The following ARHGEF17 variants were observed in gnomAD, a reference collection of about 807,000 sequenced individuals.
ARHGEF17 encodes the protein Rho guanine nucleotide exchange factor 17.
A neutral mutation model predicts 174.0 loss-of-function variants in ARHGEF17; 80 were observed. That is an observed-to-expected ratio of 0.46 (90% CI 0.38 to 0.55). ARHGEF17 has a LOEUF of 0.55. ARHGEF17 is among the 20% of genes least tolerant of loss of function. ARHGEF17 has a pLI of 0.00. For synonymous variants in ARHGEF17, 1,311 were observed against 1,189.1 expected (o/e 1.10, Z -2.11); for missense variants, 2,886 against 2,839.7 (o/e 1.02, Z -0.37).
intron 1 of ARHGEF17, among the ~76,000 whole-genome samples, chr11:73,312,993 G>A (rs558531394): frequency 1.7e-4 from 26 of 152,172 alleles, no homozygotes; most frequent in Non-Finnish European, 3.1e-4. Context: ...TGAGCTCAGC[G>A]ATGGCCAGTG....
intron 1 of ARHGEF17, among the ~76,000 whole-genome samples, chr11:73,344,288 C>T (rs1262810405): frequency 2.0e-5 from 3 of 152,234 alleles, no homozygotes; most frequent in Admixed American, 1.3e-4. Flanking sequence ...GTGGTGGGCA[C>T]GTGTAGAGGG....
In ARHGEF17 at chr11:73,357,339, G is replaced by T. The variant is rs1865662590; in HGVS notation, c.4087+12G>T. The T allele has an allele frequency of 6.2e-7, 1 of 1,611,104 alleles. No homozygotes were observed. Among genetic ancestry groups the T allele is most frequent in the Non-Finnish European group, 8.5e-7 (1 of 1,178,576 alleles). ...AGACATCATCAAAGGTGGGTTTGAT[G>T]CTAGGGGTTCTGGGTGTTGGGGTCT... On this transcript the variant is annotated intron_variant, in intron 9 of 20. Coordinates refer to ENST00000263674, the MANE Select transcript of ARHGEF17 (RefSeq NM_014786.4).
intron 16 of ARHGEF17, 152 bp downstream of exon 16, chr11:73,363,985 C>A: frequency 9.2e-7 from 1 of 1,081,532 alleles, no homozygotes; most frequent in Admixed American, 2.2e-5. Context: ...GTGCCTCTTA[C>A]ACACTGTGTG....
chr11:73,363,678 G>T, intron 15 of ARHGEF17, 69 bp from the exon 16 acceptor site: 1 of 1,587,258 alleles, frequency 6.3e-7, no homozygotes, highest in Non-Finnish European at 8.6e-7. Context: ...GGGGCAAAGA[G>T]GTGGAGGGAT....
rs886115201 is a variant in ARHGEF17, at chr11:73,308,470, A to C, written c.-169A>C. 1 of 598,282 alleles carries C rather than the reference A, an allele frequency of 1.7e-6. No individual in the cohort carries two copies. Among genetic ancestry groups the C allele is most frequent in the Non-Finnish European group, 2.5e-6 (1 of 400,906 alleles). 37.1% of individuals were successfully genotyped at this position (598,282 alleles called of 1,614,324 possible). A position where few individuals can be genotyped will look rare whatever the true frequency, so the allele number is the denominator to read the frequency against. On this transcript the variant is annotated 5_prime_UTR_variant, in exon 1 of 21. Coordinates refer to ENST00000263674, the MANE Select transcript of ARHGEF17 (RefSeq NM_014786.4). ...TGGAGACGTTGCGGCCGGTGGCCAC[A>C]GAAACTTGAGCCGCGGCAGAGAAAC...
rs757184998 is a variant in ARHGEF17, at chr11:73,309,385, C to G, written c.747C>G (p.Ser249Arg). ...CTGTCAGCCGCAGTCGTGCTGCCAG[C>G]TCCAGCGAGGAGGAAGAGGAGGGCC... ...SYPVSRSRAA[S>R]SSEEEEEGPP... The change falls in exon 1 of 21, where the codon AGC (serine) becomes AGG (arginine). Residue 249 changes from serine to arginine, a missense_variant. Ser to Arg is a moderately radical substitution (Grantham distance 110, BLOSUM62 -1). Transcript: ENST00000263674. The G allele has an allele frequency of 6.3e-7, 1 of 1,577,232 alleles. No homozygotes were observed. The highest frequency in any genetic ancestry group is 8.6e-7 in the Non-Finnish European group (1 of 1,160,712).
chr11:73,353,190 T>C, intron 3 of ARHGEF17, 178 bp downstream of exon 3: 1 of 783,260 alleles, frequency 1.3e-6, no homozygotes, highest in Non-Finnish European at 2.0e-6. Flanking sequence ...GACCTGAACT[T>C]GGACACTCCC....
chr11:73,332,094 A>G (rs1222909216), intron 1 of ARHGEF17, among the ~76,000 whole-genome samples: 1 of 152,158 alleles, frequency 6.6e-6, no homozygotes, highest in East Asian at 1.9e-4. Flanking sequence ...CCCTGAGGGG[A>G]CCTGCCCTCT....
chr11:73,338,562 C>T (rs1372649459), intron 1 of ARHGEF17, among the ~76,000 whole-genome samples: 6 of 152,156 alleles, frequency 3.9e-5, no homozygotes, highest in African/African-American at 9.7e-5. Context: ...AGAGGATCTT[C>T]TTTGACTCTA....
At chr11:73,320,357 C>T (rs141208811) in intron 1 of ARHGEF17, among the ~76,000 whole-genome samples, 46 of 151,930 alleles carry the variant, frequency 3.0e-4, no homozygotes, top group African/African-American at 1.0e-3. Flanking sequence ...GTTTTTCGGC[C>T]GGGCGCTGTG....
rs1456066766 is a variant in ARHGEF17, at chr11:73,364,538, C to T, written c.5488C>T (p.Arg1830Trp). ...PITKMVSVGG[R>W]LWCGCQNRVL... is the part of the protein sequence containing the mutation. ...CACCAAGATGGTATCTGTGGGTGGG[C>T]GGCTGTGGTGTGGCTGCCAGAACCG... Residue 1830 changes from arginine to tryptophan, a missense_variant, in exon 18 of 21, where the codon CGG becomes TGG. Coordinates refer to ENST00000263674, the MANE Select transcript of ARHGEF17 (RefSeq NM_014786.4). 3.7e-6 allele frequency: 6 copies of T among 1,613,732 alleles called. No individual in the cohort carries two copies. Among genetic ancestry groups the T allele is most frequent in the Non-Finnish European group, 5.1e-6 (6 of 1,179,932 alleles).
intron 2 of ARHGEF17, among the ~76,000 whole-genome samples, chr11:73,351,729 ACAC>A (rs1224762775): frequency 1.3e-5 from 2 of 152,038 alleles, no homozygotes; most frequent in Non-Finnish European, 2.9e-5. Flanking sequence ...CTACAGGCGC[ACAC>A]CACTAGGCCC....
At position 73,362,572 on chromosome 11, in the gene ARHGEF17, A is replaced by G. The variant is rs1412814351; in HGVS notation, c.4834A>G (p.Ile1612Val). Residue 1612 changes from isoleucine to valine, a missense_variant, in exon 14 of 21, where the codon ATT (isoleucine) becomes GTT (valine). Ile to Val is a conservative substitution (Grantham distance 29, BLOSUM62 3). This residue lies in a region of ARHGEF17 where 476 missense variants were observed against 473.1 expected (regional missense o/e 1.01). Transcript: ENST00000263674. ...GCCGCAGCCCTGCCTTCACATCTCC[A>G]TTGCAGGCTCGGGCTTGGAGATGAC... ...PGPQPCLHIS[I>V]AGSGLEMTPG... is the part of the protein sequence containing the mutation. 1.9e-6 allele frequency: 3 copies of G among 1,609,942 alleles called. No homozygotes were observed. Among genetic ancestry groups the G allele is most frequent in the Non-Finnish European group, 2.5e-6 (3 of 1,179,770 alleles).
chr11:73,329,333 AT>A (rs1565193541), intron 1 of ARHGEF17, among the ~76,000 whole-genome samples: 1 of 1,152 alleles, frequency 8.7e-4, no homozygotes, highest in Non-Finnish European at 1.8e-3. Context: ...ATATATATAT[AT>A]ATATATATAT....
At chr11:73,331,282 G>A (rs1865199264) in intron 1 of ARHGEF17, among the ~76,000 whole-genome samples, 1 of 152,176 alleles carries the variant, frequency 6.6e-6, no homozygotes, top group Non-Finnish European at 1.5e-5. Flanking sequence ...GTCTCGATTT[G>A]GATTAGAGGT....
In ARHGEF17 at chr11:73,317,024, ACTT is replaced by A. The variant is rs1317723862; in HGVS notation, c.3192+5197_3192+5199del. ...TGTTCAAGGTGAACACAGAGCTACAACTTCTCACATGGCTGGGCAGTGTGTGAG... is the reference window on the plus strand; with the variant it reads ...TGTTCAAGGTGAACACAGAGCTACAACTCACATGGCTGGGCAGTGTGTGAG... On this transcript the variant is annotated intron_variant, in intron 1 of 20. Transcript: ENST00000263674. Among the ~76,000 whole-genome samples the A allele has an allele frequency of 1.5e-3, 221 of 152,314 alleles. 4 individuals carry two copies. Among genetic ancestry groups the A allele is most frequent in the Admixed American group, 0.014 (218 of 15,304 alleles).
intron 2 of ARHGEF17, among the ~76,000 whole-genome samples, chr11:73,351,369 C>T (rs559525385): frequency 1.1e-3 from 161 of 152,190 alleles, no homozygotes; most frequent in South Asian, 4.4e-3. Context: ...CAGTAGAGGG[C>T]GACCTCTCCA....
rs2135783088 is a variant in ARHGEF17 at position 73,309,340 on chromosome 11, C to CTCT, written c.704_705insTTC (p.Ser235dup). On this transcript the variant is annotated inframe_insertion, in exon 1 of 21. Transcript: ENST00000263674. ...GGGCCCGGGCCTCCTGCTCCTCCTC[C>CTCT]TCCATCGCCGCCTCCTATCCTGTCA... 1 of 1,611,074 alleles carries CTCT rather than the reference C, an allele frequency of 6.2e-7. No individual in the cohort carries two copies. Among genetic ancestry groups the CTCT allele is most frequent in the Non-Finnish European group, 8.5e-7 (1 of 1,179,286 alleles).
At chr11:73,357,438 T>C in intron 9 of ARHGEF17, 111 bp downstream of exon 9, 2 of 1,001,218 alleles carry the variant, frequency 2.0e-6, no homozygotes, top group Non-Finnish European at 1.5e-6. Flanking sequence ...TTTCCACTTT[T>C]GGGCCTCGCT....
Sources: allele counts gnomAD v4.1 joint callset (sites outside exome capture counted in the v4.1 genomes callset), GRCh38; gene constraint gnomAD v4.1.1; regional missense constraint gnomAD v4.1.1; transcripts MANE v1.5; gene names NCBI Gene and HGNC (gene_info 2026-07-23, HGNC 2026-07-21).